Variants in ARHGEF2 observed in about 807,000 individuals in gnomAD.
ARHGEF2 encodes rho guanine nucleotide exchange factor 2.
A neutral mutation model predicts 121.0 loss-of-function variants in ARHGEF2; 22 were observed. That is an observed-to-expected ratio of 0.18 (90% CI 0.13 to 0.26). The LOEUF is 0.26. Among genes scored for constraint, ARHGEF2 ranks in the 10% least tolerant of loss-of-function variants. ARHGEF2 has a pLI of 1.00. For synonymous variants in ARHGEF2, 487 were observed against 530.0 expected (o/e 0.92, Z 1.11); for missense variants, 907 against 1,336.0 (o/e 0.68, Z 5.01).
upstream of ARHGEF2, chr1:155,979,359 A>G: frequency 7.1e-6 from 7 of 983,428 alleles, no homozygotes; most frequent in Non-Finnish European, 8.5e-6. Context: ...CCCTAGTCAA[A>G]GAAAGTTAGG....
chr1:155,964,201 T>G (rs1423430635), intron 7 of ARHGEF2, among the ~76,000 whole-genome samples: 1 of 114,762 alleles, frequency 8.7e-6, no homozygotes. Flanking sequence ...TATATATACA[T>G]ATATATATAT....
intron 1 of ARHGEF2, chr1:155,969,675 C>T (rs1680102162): frequency 3.9e-6 from 4 of 1,032,024 alleles, no homozygotes; most frequent in Admixed American, 1.0e-4. Flanking sequence ...GGGGAAGATG[C>T]GCAGAGAGGA....
chr1:155,956,060 C>T (rs1390354207), intron 13 of ARHGEF2, among the ~76,000 whole-genome samples: 1 of 151,962 alleles, frequency 6.6e-6, no homozygotes, highest in Non-Finnish European at 1.5e-5. Flanking sequence ...GATCTGTCAA[C>T]AGGACAGGTT....
At chr1:155,952,884 CAGT>C in intron 14 of ARHGEF2, 56 bp from the exon 15 acceptor site, 1 of 1,550,830 alleles carries the variant, frequency 6.4e-7, no homozygotes, top group Non-Finnish European at 8.9e-7. Flanking sequence ...GCAAGAGCGC[CAGT>C]AGAGGACAGC....
intron 11 of ARHGEF2, among the ~76,000 whole-genome samples, chr1:155,959,895 A>G (rs1406911341): frequency 6.6e-6 from 1 of 152,082 alleles, no homozygotes; most frequent in East Asian, 1.9e-4. Context: ...ATATCTAACT[A>G]AGGAAGACCT....
chr1:155,970,334 CAATCT>C, intron 1 of ARHGEF2: 2 of 985,624 alleles, frequency 2.0e-6, no homozygotes, highest in Non-Finnish European at 2.4e-6. Flanking sequence ...CCCTGACCTC[CAATCT>C]GTCCCTCTTC....
Position 155,961,579 on chromosome 1 carries a change from G to A in ARHGEF2, c.1468+82C>T. The A allele has an allele frequency of 6.5e-7, 1 of 1,545,388 alleles. No homozygotes were observed. The highest frequency in any genetic ancestry group is 1.8e-5 in the Admixed American group (1 of 56,122). On this transcript the variant is annotated intron_variant, in intron 11 of 21. Coordinates refer to ENST00000361247, the MANE Select transcript of ARHGEF2 (RefSeq NM_001162383.2). The surrounding 1 kb of genome is among the most constrained non-coding windows in gnomAD (Gnocchi z 4.7). ...GTTGAGCCACTGCACCCGGCCAAGA[G>A]AGGTTGATTCTAAGACCTGCAGGCA...
chr1:155,948,734 G>A (rs375775578), intron 21 of ARHGEF2, among the ~76,000 whole-genome samples: 9 of 152,188 alleles, frequency 5.9e-5, no homozygotes, highest in Admixed American at 3.9e-4. Flanking sequence ...CCAGGAGTTT[G>A]AGTCCAGCCT....
intron 13 of ARHGEF2, among the ~76,000 whole-genome samples, chr1:155,956,307 C>G (rs967621561): frequency 1.5e-4 from 23 of 151,892 alleles, no homozygotes; most frequent in Middle Eastern, 3.5e-3. Flanking sequence ...CCATATTGGC[C>G]GGGCTGGTCT....
intron 1 of ARHGEF2, among the ~76,000 whole-genome samples, chr1:155,974,177 T>C (rs1395153924): frequency 6.6e-6 from 1 of 152,184 alleles, no homozygotes; most frequent in Non-Finnish European, 1.5e-5. Context: ...CGAGCCACTG[T>C]GCCCAGCTCT....
intron 2 of ARHGEF2, among the ~76,000 whole-genome samples, chr1:155,967,181 A>G (rs1005595152): frequency 1.3e-5 from 2 of 152,170 alleles, no homozygotes; most frequent in African/African-American, 4.8e-5. Flanking sequence ...AGCAGGGGTC[A>G]CTGGCTGCCA....
intron 3 of ARHGEF2, 51 bp from the exon 4 acceptor site, chr1:155,966,530 G>C: frequency 6.3e-7 from 1 of 1,599,748 alleles, no homozygotes; most frequent in East Asian, 2.2e-5. Flanking sequence ...GTCACCCAAG[G>C]ATCACCCCCA....
Position 155,962,848 on chromosome 1 carries a change from A to G in ARHGEF2, c.975+85T>C. 1 of 1,600,304 alleles carries G rather than the reference A, an allele frequency of 6.2e-7. No homozygotes were observed. Among genetic ancestry groups the G allele is most frequent in the East Asian group, 2.2e-5 (1 of 44,690 alleles). ...TCCAGCTCTCCCTGGCTCCCCTCCA[A>G]CCCCTAGAATTTGGACCCAAGAAAT... On this transcript the variant is annotated intron_variant, in intron 8 of 21. Coordinates refer to ENST00000361247, the MANE Select transcript of ARHGEF2 (RefSeq NM_001162383.2). The surrounding 1 kb of genome is among the most constrained non-coding windows in gnomAD (Gnocchi z 5.8).
rs890503656 is a variant in ARHGEF2 at position 155,961,982 on chromosome 1, T to C, written c.1220-73A>G. 2.7e-5 allele frequency: 44 copies of C among 1,605,212 alleles called. No homozygotes were observed. The highest frequency in any genetic ancestry group is 3.7e-5 in the Non-Finnish European group (43 of 1,173,950). On this transcript the variant is annotated intron_variant, in intron 10 of 21. Coordinates refer to ENST00000361247, the MANE Select transcript of ARHGEF2 (RefSeq NM_001162383.2). This position sits in a 1 kb window ranked among gnomAD's most constrained non-coding sequence, Gnocchi z 4.7. ...CACCCCAGTTCCCATCGTGTCTTGA[T>C]TCCACCTTTAGAGGCTGCCCAGGGT...
chr1:155,949,066 G>A (rs931634966), intron 21 of ARHGEF2, among the ~76,000 whole-genome samples: 4 of 151,706 alleles, frequency 2.6e-5, no homozygotes, highest in Non-Finnish European at 1.5e-5. Flanking sequence ...TGGCCAACAT[G>A]GTGAAACCCC....
chr1:155,978,615 G>C (rs935333548), upstream of ARHGEF2: 7 of 1,257,138 alleles, frequency 5.6e-6, no homozygotes, highest in Non-Finnish European at 7.0e-6. This position sits in a 1 kb window ranked among gnomAD's most constrained non-coding sequence, Gnocchi z 4.1. Flanking sequence ...CTCAGGAAGG[G>C]GGTAGGCGGA....
chr1:155,967,316 C>T (rs771697003), intron 2 of ARHGEF2, among the ~76,000 whole-genome samples: 1 of 152,118 alleles, frequency 6.6e-6, no homozygotes, highest in Non-Finnish European at 1.5e-5. Context: ...AATTTACATT[C>T]CCTGAGCTTT....
rs1028715039 is a variant in ARHGEF2 at position 155,963,029 on chromosome 1, G to A, written c.879C>T (p.Phe293=). The part of the protein sequence containing the change: ...VDELSDIHTR[F]LSQLLERRRQ... The stretch of plus-strand genomic sequence containing the variant: ...GTCGGCGTTCTAATAGCTGGCTGAG[G>A]AAGCGTGTATGGATGTCACTGAGCT... Residue 293 remains phenylalanine (F), a synonymous_variant, in exon 8 of 22, where the codon TTC becomes TTT. Transcript: ENST00000361247. 5.6e-6 allele frequency: 9 copies of A among 1,614,146 alleles called. No homozygotes were observed. The highest frequency in any genetic ancestry group is 1.7e-5 in the Admixed American group (1 of 60,022).
At position 155,970,560 on chromosome 1, in the gene ARHGEF2, A is replaced by G. The variant is rs186832967; in HGVS notation, c.64-1260T>C. 8 of 985,534 alleles carry G rather than the reference A, an allele frequency of 8.1e-6. No homozygotes were observed. The Admixed American group carries it at 3.1e-4, about 38-fold the overall frequency. The allele number at this position is 985,534 out of a possible 1,614,324, so 61.0% of individuals were successfully genotyped here. A position where few individuals can be genotyped will look rare whatever the true frequency, so the allele number is the denominator to read the frequency against. ...CAGGATCCAGATGGCTGAGGGTAGA[A>G]GCCCCAAGTCAGAGGACCTGGACTG... is the stretch of plus-strand genomic sequence containing the variant. On this transcript the variant is annotated intron_variant, in intron 1 of 21. Transcript: ENST00000361247.
Sources: gnomAD v4.1 joint callset for allele counts (sites outside exome capture counted in the v4.1 genomes callset) on GRCh38, gnomAD v4.1.1 for gene constraint, Gnocchi (gnomAD v3.1) non-coding constraint, MANE v1.5 for transcripts, NCBI Gene and HGNC (gene_info 2026-07-23, HGNC 2026-07-21) for gene names.